The following CHST11 variants were observed in gnomAD, a reference collection of about 807,000 sequenced individuals.
The protein encoded by CHST11 is carbohydrate sulfotransferase 11, also known as C4S-1.
In CHST11, 9 loss-of-function variants were observed where a neutral mutation model predicts 30.4. That is an observed-to-expected ratio of 0.30 (90% CI 0.18 to 0.52). The LOEUF is 0.52. CHST11 is among the 20% of genes least tolerant of loss of function. The probability of loss-of-function intolerance (pLI) is 0.97; values close to 1 mark genes in which losing one functional copy is unlikely to be tolerated. For synonymous variants in CHST11, 152 were observed against 187.8 expected (o/e 0.81, Z 1.56); for missense variants, 348 against 460.6 (o/e 0.76, Z 2.24).
At chr12:104,689,764 T>C (rs2039880617) in intron 2 of CHST11, among the ~76,000 whole-genome samples, 1 of 152,198 alleles carries the variant, frequency 6.6e-6, no homozygotes, top group Non-Finnish European at 1.5e-5. Flanking sequence ...ACACAGGCAC[T>C]GTCTGCTTAA....
rs187650718 is a variant in CHST11, at chr12:104,593,816, C to T, written c.119-8090C>T. ...ATAGAGAGAGACAGTAATGAAGGCT[C>T]ATGTTTACTGGGTCTTGGAGAGTTC... On this transcript the variant is annotated intron_variant, in intron 1 of 2. Transcript: ENST00000303694. Among the ~76,000 whole-genome samples, 134 of 152,306 alleles carry T rather than the reference C, an allele frequency of 8.8e-4. 1 individual carries two copies. The highest frequency in any genetic ancestry group is 2.9e-3 in the African/African-American group (121 of 41,564).
In CHST11 at chr12:104,553,775, G is replaced by A. The variant is rs1420623871; in HGVS notation, c.119-48131G>A. Among the ~76,000 whole-genome samples, 5 of 152,222 alleles carry A rather than the reference G, an allele frequency of 3.3e-5. No homozygotes were observed. In the East Asian group the frequency reaches 9.6e-4, roughly 29 times the overall value. ...CAGCATGAGATTTGGATGGGACACA[G>A]AGCCAAACCATATCAGCTGCATAAC... On this transcript the variant is annotated intron_variant, in intron 1 of 2. Transcript: ENST00000303694.
At chr12:104,511,884 A>G (rs147520862) in intron 1 of CHST11, among the ~76,000 whole-genome samples, 6 of 152,098 alleles carry the variant, frequency 3.9e-5, no homozygotes, top group African/African-American at 1.4e-4. Flanking sequence ...CCTCTCAAAT[A>G]CCAAAATCCA....
intron 1 of CHST11, among the ~76,000 whole-genome samples, chr12:104,574,379 A>G (rs1215363395): frequency 1.3e-5 from 2 of 152,248 alleles, no homozygotes; most frequent in African/African-American, 4.8e-5. Context: ...CCAAAGGATT[A>G]TAAATCATGC....
chr12:104,550,086 T>C (rs558541730), intron 1 of CHST11, among the ~76,000 whole-genome samples: 27 of 152,304 alleles, frequency 1.8e-4, no homozygotes, highest in South Asian at 4.1e-4. Context: ...GGGCTGTTGG[T>C]AAAACTAGAG....
At chr12:104,673,213 T>C (rs2039711934) in intron 2 of CHST11, among the ~76,000 whole-genome samples, 2 of 152,194 alleles carry the variant, frequency 1.3e-5, no homozygotes, top group South Asian at 4.1e-4. Context: ...GATCCTTAGC[T>C]TAATCACATC....
In CHST11 at chr12:104,760,938, C is replaced by G. The variant is rs557900250; in HGVS notation, c.*3135C>G. Reference sequence around the variant, plus strand: ...GGAATATTTGAAACTGCTTTCTATGCATGCTTAGCTGGAGAAAAGTACAGG... The same window carrying G: ...GGAATATTTGAAACTGCTTTCTATGGATGCTTAGCTGGAGAAAAGTACAGG... On this transcript the variant is annotated 3_prime_UTR_variant, in exon 3 of 3. Coordinates refer to ENST00000303694, the MANE Select transcript of CHST11 (RefSeq NM_018413.6). 1 of 152,368 alleles carries G rather than the reference C, an allele frequency of 6.6e-6. No homozygotes were observed. Among genetic ancestry groups the G allele is most frequent in the Admixed American group, 6.5e-5 (1 of 15,310 alleles). The allele number at this position is 152,368 out of a possible 1,614,324, so 9.4% of individuals were successfully genotyped here.
intron 1 of CHST11, among the ~76,000 whole-genome samples, chr12:104,531,577 C>T (rs1260072468): frequency 6.6e-6 from 1 of 151,380 alleles, no homozygotes; most frequent in Non-Finnish European, 1.5e-5. Context: ...TTTTTTCTTT[C>T]CCTCATTCTT....
chr12:104,458,074 A>C lies in CHST11; in HGVS notation c.118+545A>C, dbSNP rs1369040725. ...CCCTGCAGCAGGCTGGGAGCCCGGG[A>C]CTGGGCTCCCACGTGTCCCGGGCTC... is the stretch of plus-strand genomic sequence containing the variant. On this transcript the variant is annotated intron_variant, in intron 1 of 2. Transcript: ENST00000303694. This position sits in a 1 kb window ranked among gnomAD's most constrained non-coding sequence, Gnocchi z 5.7. 1.3e-5 allele frequency among the ~76,000 whole-genome samples: 2 copies of C among 151,600 alleles called. No homozygotes were observed. Among genetic ancestry groups the C allele is most frequent in the Non-Finnish European group, 2.9e-5 (2 of 67,850 alleles).
chr12:104,748,632 G>A (rs1404322820), intron 2 of CHST11, among the ~76,000 whole-genome samples: 1 of 152,098 alleles, frequency 6.6e-6, no homozygotes, highest in African/African-American at 2.4e-5. Flanking sequence ...AGCAAGCAAG[G>A]CACATCTACA....
chr12:104,683,954 A>G (rs939819153), intron 2 of CHST11, among the ~76,000 whole-genome samples: 3 of 152,188 alleles, frequency 2.0e-5, no homozygotes, highest in African/African-American at 7.2e-5. Flanking sequence ...AGTCCTACCA[A>G]TTCAGTGGAT....
chr12:104,757,481 A>G lies in CHST11; in HGVS notation c.737A>G (p.Asp246Gly), dbSNP rs1306366889. The G allele has an allele frequency of 1.2e-6, 2 of 1,613,922 alleles. No homozygotes were observed. The highest frequency in any genetic ancestry group is 3.3e-5 in the Admixed American group (2 of 59,998). ...KFEEFVAYLI[D>G]PHTQREEPFN... ...GAGGAGTTTGTGGCCTATCTCATCG[A>G]CCCACACACCCAGCGGGAGGAGCCT... Residue 246 changes from aspartate to glycine, a missense_variant, in exon 3 of 3, where the codon GAC becomes GGC. By Grantham distance (94) the Asp-to-Gly change is moderately conservative. Transcript: ENST00000303694. This position sits in a 1 kb window ranked among gnomAD's most constrained non-coding sequence, Gnocchi z 6.5.
intron 2 of CHST11, among the ~76,000 whole-genome samples, chr12:104,635,477 T>C (rs1156408700): frequency 6.6e-6 from 1 of 151,668 alleles, no homozygotes; most frequent in Non-Finnish European, 1.5e-5. Context: ...CACAGGGGGG[T>C]TGGAAGGAGA....
chr12:104,508,066 C>G (rs180957057), intron 1 of CHST11, among the ~76,000 whole-genome samples: 1 of 152,350 alleles, frequency 6.6e-6, no homozygotes, highest in East Asian at 1.9e-4. Flanking sequence ...AGGATCCTCA[C>G]TGGTCTCCTC....
At chr12:104,727,773 A>AC (rs1292207430) in intron 2 of CHST11, among the ~76,000 whole-genome samples, 1 of 152,226 alleles carries the variant, frequency 6.6e-6, no homozygotes, top group African/African-American at 2.4e-5. Context: ...CACAGCCATG[A>AC]AAATGGCAAA....
chr12:104,531,844 C>T (rs1230668206), intron 1 of CHST11, among the ~76,000 whole-genome samples: 2 of 152,222 alleles, frequency 1.3e-5, no homozygotes, highest in Non-Finnish European at 2.9e-5. Flanking sequence ...TACACCCTTC[C>T]TTGGCATGGG....
chr12:104,492,220 C>T (rs1272050779), intron 1 of CHST11, among the ~76,000 whole-genome samples: 1 of 152,192 alleles, frequency 6.6e-6, no homozygotes, highest in Non-Finnish European at 1.5e-5. Flanking sequence ...CCTCAGCCTC[C>T]TGAGTAACTG....
rs1051285164 is a variant in CHST11, at chr12:104,488,876, G to A, written c.118+31347G>A. ...TGGGTGGCTCGCAGTTCTGGAGGCCGGAAGTCCAGGATCAAGATATTGGTA... is the reference window on the plus strand; with the variant it reads ...TGGGTGGCTCGCAGTTCTGGAGGCCAGAAGTCCAGGATCAAGATATTGGTA... On this transcript the variant is annotated intron_variant, in intron 1 of 2. Transcript: ENST00000303694. Among the ~76,000 whole-genome samples, 7 of 152,122 alleles carry A rather than the reference G, an allele frequency of 4.6e-5. No homozygotes were observed. The East Asian group carries it at 7.7e-4, about 17-fold the overall frequency.
At chr12:104,547,824 T>C (rs988944475) in intron 1 of CHST11, among the ~76,000 whole-genome samples, 3 of 152,232 alleles carry the variant, frequency 2.0e-5, no homozygotes, top group African/African-American at 7.2e-5. Flanking sequence ...ATTAAATTAT[T>C]TTCTCTGTGG....
Sources: gnomAD v4.1 joint callset for allele counts (sites outside exome capture counted in the v4.1 genomes callset) on GRCh38, gnomAD v4.1.1 for gene constraint, Gnocchi (gnomAD v3.1) non-coding constraint, MANE v1.5 for transcripts, NCBI Gene and HGNC (gene_info 2026-07-23, HGNC 2026-07-21) for gene names.